The following COL24A1 variants were observed in gnomAD, a reference collection of about 807,000 sequenced individuals.
COL24A1 encodes the protein collagen type XXIV alpha 1 chain.
COL24A1 carries 224 observed loss-of-function variants against 253.9 expected under a neutral mutation model. That is an observed-to-expected ratio of 0.88 (90% CI 0.79 to 0.99). The LOEUF (loss-of-function observed/expected upper bound fraction) is 0.99. COL24A1 is among the 50% of genes least tolerant of loss of function. COL24A1 has a pLI of 0.00. For missense variants in COL24A1, 2,131 were observed against 2,068.5 expected (o/e 1.03, Z -0.59); for synonymous variants, 685 against 673.7 (o/e 1.02, Z -0.26).
chr1:85,992,403 A>G (rs1478515761), intron 19 of COL24A1, among the ~76,000 whole-genome samples: 3 of 152,200 alleles, frequency 2.0e-5, no homozygotes, highest in Non-Finnish European at 4.4e-5. Flanking sequence ...ATTCATACCT[A>G]GATTACTACC....
intron 7 of COL24A1, among the ~76,000 whole-genome samples, chr1:86,068,788 A>G (rs757056391): frequency 1.3e-5 from 2 of 152,108 alleles, no homozygotes; most frequent in Non-Finnish European, 2.9e-5. Flanking sequence ...CAGCTCAGCC[A>G]CAGTGTAATA....
At chr1:85,869,630 T>A (rs1680199838) in intron 35 of COL24A1, among the ~76,000 whole-genome samples, 1 of 152,140 alleles carries the variant, frequency 6.6e-6, no homozygotes, top group Non-Finnish European at 1.5e-5. Flanking sequence ...TAAAATCCTT[T>A]AAGGACAAAC....
At position 85,907,195 on chromosome 1, in the gene COL24A1, C is replaced by G; in HGVS notation, c.2777G>C (p.Arg926Thr). 6.2e-7 allele frequency: 1 copy of G among 1,610,664 alleles called. No homozygotes were observed. Among genetic ancestry groups the G allele is most frequent in the Non-Finnish European group, 8.5e-7 (1 of 1,177,578 alleles). Reference protein sequence around the residue: ...PPGSQGPKGQRGSRGPDGLLG... With the variant: ...PPGSQGPKGQTGSRGPDGLLG... ...TACTTTTTTCCTTAGATTACTTACT[C>G]TTTGTCCTTTAGGACCTTGACTCCC... Residue 926 changes from arginine to threonine, a missense_variant and splice_region_variant, in exon 28 of 60, where the codon AGA becomes ACA. Arg to Thr is a moderately conservative substitution (Grantham distance 71). Transcript: ENST00000370571.
intron 56 of COL24A1, 102 bp downstream of exon 56, chr1:85,745,339 A>G: frequency 1.6e-6 from 1 of 635,804 alleles, no homozygotes; most frequent in Non-Finnish European, 2.6e-6. Context: ...TGTTTTAAAT[A>G]CAATCTTTGA....
At chr1:85,957,836 T>C (rs1217399817) in intron 24 of COL24A1, among the ~76,000 whole-genome samples, 3 of 152,234 alleles carry the variant, frequency 2.0e-5, no homozygotes, top group African/African-American at 7.2e-5. Flanking sequence ...CCTTTAGCGA[T>C]TGTTCATTGA....
At chr1:85,798,143 G>A (rs1671023059) in intron 47 of COL24A1, among the ~76,000 whole-genome samples, 1 of 150,642 alleles carries the variant, frequency 6.6e-6, no homozygotes, top group South Asian at 2.1e-4. Flanking sequence ...GCTGCAGTGA[G>A]CTAAGATCAC....
intron 32 of COL24A1, among the ~76,000 whole-genome samples, chr1:85,882,516 G>A (rs893534969): frequency 1.3e-5 from 2 of 152,062 alleles, no homozygotes; most frequent in Non-Finnish European, 2.9e-5. Context: ...ATTTGTTAAG[G>A]TGTTTTATGG....
chr1:86,141,862 G>C (rs115301731), intron 2 of COL24A1, among the ~76,000 whole-genome samples: 101 of 152,036 alleles, frequency 6.6e-4, no homozygotes, highest in Middle Eastern at 6.8e-3. Context: ...CACCACATCC[G>C]GCTAATGTTT....
chr1:85,795,740 AT>A, intron 47 of COL24A1, among the ~76,000 whole-genome samples: 1 of 152,270 alleles, frequency 6.6e-6, no homozygotes, highest in Admixed American at 6.5e-5. Flanking sequence ...AGAAAAATTA[AT>A]TTAAAATTAA....
intron 5 of COL24A1, among the ~76,000 whole-genome samples, chr1:86,110,792 C>G (rs75877396): frequency 0.14 from 21,599 of 151,690 alleles, 1,700 homozygotes; most frequent in South Asian, 0.24. Flanking sequence ...GGCAGGGCTC[C>G]GGACCTGCAG....
At chr1:86,082,930 C>T (rs562135968) in intron 7 of COL24A1, among the ~76,000 whole-genome samples, 234 of 151,916 alleles carry the variant, frequency 1.5e-3, no homozygotes, top group African/African-American at 5.3e-3. Context: ...CATGTGGACG[C>T]TCAAAATAAT....
intron 24 of COL24A1, among the ~76,000 whole-genome samples, chr1:85,937,609 T>C (rs1688348260): frequency 6.8e-6 from 1 of 147,396 alleles, no homozygotes; most frequent in Non-Finnish European, 1.5e-5. Flanking sequence ...ATGAATGGAA[T>C]GGACATGGTA....
intron 7 of COL24A1, among the ~76,000 whole-genome samples, chr1:86,077,765 A>C (rs190175156): frequency 1.1e-3 from 164 of 151,946 alleles, no homozygotes; most frequent in Non-Finnish European, 2.0e-3. Flanking sequence ...GCACGTTCTC[A>C]CTCAAAAGTG....
chr1:85,886,158 C>T (rs1462263447), intron 32 of COL24A1, among the ~76,000 whole-genome samples: 1 of 151,636 alleles, frequency 6.6e-6, no homozygotes, highest in East Asian at 2.0e-4. Context: ...TAAAGCAATT[C>T]TGCCTCAGCC....
intron 47 of COL24A1, among the ~76,000 whole-genome samples, chr1:85,811,341 A>C (rs926953871): frequency 2.0e-5 from 3 of 152,198 alleles, no homozygotes; most frequent in Admixed American, 1.3e-4. Context: ...TCATCTTTTT[A>C]CTATCTATAT....
intron 24 of COL24A1, among the ~76,000 whole-genome samples, chr1:85,916,090 T>C (rs372381675): frequency 6.6e-5 from 10 of 152,200 alleles, no homozygotes; most frequent in East Asian, 3.8e-4. Flanking sequence ...ATTTTACATA[T>C]AAATACTTTA....
rs138306226 is a variant in COL24A1, at chr1:85,854,342, T to C, written c.3301-4936A>G. Among the ~76,000 whole-genome samples, 51 of 152,312 alleles carry C rather than the reference T, an allele frequency of 3.3e-4. 1 individual carries two copies. The East Asian group carries it at 9.1e-3, about 27-fold the overall frequency. On this transcript the variant is annotated intron_variant, in intron 37 of 59. Transcript: ENST00000370571. Reference sequence around the variant, plus strand: ...GTCTGTGTAACTGTTTTTGTACCAGTACAATATTGTTTTAGTTACTGTAGC... The same window carrying C: ...GTCTGTGTAACTGTTTTTGTACCAGCACAATATTGTTTTAGTTACTGTAGC...
chr1:85,778,525 A>C (rs767867274), intron 52 of COL24A1, among the ~76,000 whole-genome samples: 7 of 152,144 alleles, frequency 4.6e-5, no homozygotes, highest in Non-Finnish European at 1.0e-4. Flanking sequence ...AAAAATTTCA[A>C]GTATTCAAAT....
Position 86,115,455 on chromosome 1 carries a change from A to G in COL24A1, c.1492-77T>C. 3 of 1,386,006 alleles carry G rather than the reference A, an allele frequency of 2.2e-6. No individual in the cohort carries two copies. In the Admixed American group the frequency reaches 5.5e-5, roughly 26 times the overall value. 85.9% of individuals were successfully genotyped at this position (1,386,006 alleles called of 1,614,324 possible). A position where few individuals can be genotyped will look rare whatever the true frequency, so the allele number is the denominator to read the frequency against. ...TCTTACGAGTCTGAATAAGATTTCC[A>G]CCCAAAGACAACTCTTTTTCAGTCC... On this transcript the variant is annotated intron_variant, in intron 3 of 59. Transcript: ENST00000370571.
Sources: gnomAD v4.1 joint callset for allele counts (sites outside exome capture counted in the v4.1 genomes callset) on GRCh38, gnomAD v4.1.1 for gene constraint, MANE v1.5 for transcripts, NCBI Gene and HGNC (gene_info 2026-07-23, HGNC 2026-07-21) for gene names.